CXXC5: variants seen among roughly 807,000 people sequenced by gnomAD.
CXXC5 encodes the protein CXXC-type zinc finger protein 5.
A neutral mutation model predicts 17.6 loss-of-function variants in CXXC5; 2 were observed. That is an observed-to-expected ratio of 0.11 (90% CI 0.05 to 0.36). The LOEUF (loss-of-function observed/expected upper bound fraction) is 0.36. Ranked by LOEUF, CXXC5 falls within the 10% of genes least tolerant of loss-of-function variation. CXXC5 has a pLI of 1.00. For synonymous variants in CXXC5, 171 were observed against 193.0 expected (o/e 0.89, Z 0.94); for missense variants, 343 against 458.3 (o/e 0.75, Z 2.30).
At chr5:139,674,844 A>G (rs1345297133) in intron 1 of CXXC5, among the ~76,000 whole-genome samples, 1 of 152,194 alleles carries the variant, frequency 6.6e-6, no homozygotes, top group Non-Finnish European at 1.5e-5. Context: ...TAAAATAATA[A>G]TAATAATAAA....
rs190463209 is a variant in CXXC5 at position 139,674,405 on chromosome 5, A to G, written c.-160-5959A>G. On this transcript the variant is annotated intron_variant, in intron 1 of 2. Coordinates refer to ENST00000302517, the MANE Select transcript of CXXC5 (RefSeq NM_016463.9). ...CCCACCAAGGTGGGGGGGAGGAGACAAGGGCCGGGATGTCAAGTGCTGCAT... is the reference window on the plus strand; with the variant it reads ...CCCACCAAGGTGGGGGGGAGGAGACGAGGGCCGGGATGTCAAGTGCTGCAT... 5.3e-4 allele frequency among the ~76,000 whole-genome samples: 81 copies of G among 152,292 alleles called. 2 individuals carry two copies. The East Asian group carries it at 0.012, about 23-fold the overall frequency.
At chr5:139,657,016 C>G (rs1755529706) in intron 1 of CXXC5, among the ~76,000 whole-genome samples, 1 of 152,240 alleles carries the variant, frequency 6.6e-6, no homozygotes, top group South Asian at 2.1e-4. Context: ...TGAGCCACCA[C>G]CCCCGGCCAA....
intron 1 of CXXC5, among the ~76,000 whole-genome samples, chr5:139,672,239 T>A (rs1162910618): frequency 6.6e-6 from 1 of 152,204 alleles, no homozygotes; most frequent in Non-Finnish European, 1.5e-5. Context: ...TGCCTCAGCC[T>A]CCCGAGTAGC....
At chr5:139,653,841 T>A (rs1293353637) in intron 1 of CXXC5, among the ~76,000 whole-genome samples, 1 of 152,062 alleles carries the variant, frequency 6.6e-6, no homozygotes, top group African/African-American at 2.4e-5. Flanking sequence ...GGCCTCCCTC[T>A]GGGCTCACAG....
At chr5:139,672,527 C>T (rs1450583759) in intron 1 of CXXC5, among the ~76,000 whole-genome samples, 1 of 152,220 alleles carries the variant, frequency 6.6e-6, no homozygotes, top group Non-Finnish European at 1.5e-5. Flanking sequence ...AGCCCTGCGT[C>T]CTGCTCAAAA....
intron 1 of CXXC5, among the ~76,000 whole-genome samples, chr5:139,677,358 C>G (rs1756906327): frequency 1.3e-5 from 2 of 152,120 alleles, no homozygotes; most frequent in African/African-American, 2.4e-5. Flanking sequence ...GAGTAGAAGA[C>G]TGGGACCTGG....
Position 139,681,014 on chromosome 5 carries a change from A to C in CXXC5, c.491A>C (p.Gln164Pro). The C allele has an allele frequency of 6.2e-7, 1 of 1,606,708 alleles. No individual in the cohort carries two copies. The highest frequency in any genetic ancestry group is 1.1e-5 in the South Asian group (1 of 91,076). Residue 164 changes from glutamine (Q) to proline (P), a missense_variant, in exon 2 of 3, where the codon CAG becomes CCG. This residue lies in a region of CXXC5 where 297 missense variants were observed against 363.4 expected (regional missense o/e 0.82). Transcript: ENST00000302517. ...GCCGAGGGACAGCTGACGCTGCAGC[A>C]GTTTGCGCAGTCCACAGAGATGCTG... is the stretch of plus-strand genomic sequence containing the variant. ...LAAEGQLTLQ[Q>P]FAQSTEMLKR...
chr5:139,662,039 G>A (rs1318072216), intron 1 of CXXC5, among the ~76,000 whole-genome samples: 1 of 152,162 alleles, frequency 6.6e-6, no homozygotes, highest in Non-Finnish European at 1.5e-5. Context: ...GGACCACTAA[G>A]TGGCCAGCTG....
intron 1 of CXXC5, chr5:139,649,731 G>A (rs1001941780): frequency 5.9e-5 from 9 of 152,562 alleles, no homozygotes; most frequent in Admixed American, 5.2e-4. Context: ...GGGAGAATGG[G>A]GGTGTTCCTC....
chr5:139,683,791 G>A lies in CXXC5; in HGVS notation c.*884G>A, dbSNP rs1318035982. On this transcript the variant is annotated 3_prime_UTR_variant, in exon 3 of 3. Coordinates refer to ENST00000302517, the MANE Select transcript of CXXC5 (RefSeq NM_016463.9). ...CTGCGGCCTGGGCCCCCCTGCCCAC[G>A]GCCAGCTTCCTGCTGATGAACATGC... 6.6e-6 allele frequency: 1 copy of A among 152,552 alleles called. No homozygotes were observed. The highest frequency in any genetic ancestry group is 1.5e-5 in the Non-Finnish European group (1 of 68,036). The allele number at this position is 152,552 out of a possible 1,614,324, so 9.4% of individuals were successfully genotyped here. A position where few individuals can be genotyped will look rare whatever the true frequency, so the allele number is the denominator to read the frequency against.
intron 2 of CXXC5, 58 bp from the exon 3 acceptor site, chr5:139,682,805 A>T: frequency 6.6e-7 from 1 of 1,513,840 alleles, no homozygotes; most frequent in Non-Finnish European, 8.9e-7. Flanking sequence ...TCTTTGCTCC[A>T]GGCCTACCCG....
At chr5:139,671,127 C>A (rs574231795) in intron 1 of CXXC5, among the ~76,000 whole-genome samples, 56 of 152,342 alleles carry the variant, frequency 3.7e-4, no homozygotes, top group Non-Finnish European at 6.2e-4. Flanking sequence ...CAAGGACTGC[C>A]CGGCCCCTGC....
chr5:139,660,753 A>G (rs1348717129), intron 1 of CXXC5, among the ~76,000 whole-genome samples: 3 of 142,310 alleles, frequency 2.1e-5, no homozygotes, highest in African/African-American at 7.9e-5. Flanking sequence ...GCCTATATTT[A>G]GTCAGTCCTG....
intron 1 of CXXC5, among the ~76,000 whole-genome samples, chr5:139,654,649 TTGTC>T (rs1159579235): frequency 6.6e-6 from 1 of 152,220 alleles, no homozygotes; most frequent in Admixed American, 6.5e-5. Flanking sequence ...GTGCATCACT[TTGTC>T]TGACTTTCTC....
chr5:139,674,392 G>C (rs78836091), intron 1 of CXXC5, among the ~76,000 whole-genome samples: 2,056 of 152,300 alleles, frequency 0.013, 23 homozygotes, highest in Non-Finnish European at 0.022. Flanking sequence ...CACCAAGGTG[G>C]GGGGGAGGAG....
intron 1 of CXXC5, chr5:139,675,423 TATG>T (rs1228102811): frequency 3.9e-5 from 6 of 152,156 alleles, no homozygotes; most frequent in Non-Finnish European, 8.8e-5. Context: ...CAGCTGGCAT[TATG>T]ATGTCACTGG....
At position 139,671,057 on chromosome 5, in the gene CXXC5, G is replaced by T. The variant is rs751453856; in HGVS notation, c.-160-9307G>T. Among the ~76,000 whole-genome samples the T allele has an allele frequency of 3.6e-4, 55 of 152,258 alleles. 1 individual carries two copies. Among genetic ancestry groups the T allele is most frequent in the Non-Finnish European group, 1.8e-4 (12 of 68,044 alleles). ...CCCCGAAATACTGGGAAGTGAGCTT[G>T]AGGCCTCAGCTTGCTGAGCCCTGTG... On this transcript the variant is annotated intron_variant, in intron 1 of 2. Transcript: ENST00000302517.
rs77258384 is a variant in CXXC5, at chr5:139,662,134, G to C, written c.-161+13289G>C. Reference sequence around the variant, plus strand: ...GAAGAATGAGACCTCTGATCAAATGGGCCCAGGAGTCTTTCTGCCTACCTT... The same window carrying C: ...GAAGAATGAGACCTCTGATCAAATGCGCCCAGGAGTCTTTCTGCCTACCTT... On this transcript the variant is annotated intron_variant, in intron 1 of 2. Transcript: ENST00000302517. Among the ~76,000 whole-genome samples the C allele has an allele frequency of 8.9e-3, 1,359 of 152,264 alleles. 14 individuals carry two copies. Among genetic ancestry groups the C allele is most frequent in the Middle Eastern group, 0.041 (12 of 294 alleles).
At chr5:139,655,846 G>A (rs1408556249) in intron 1 of CXXC5, among the ~76,000 whole-genome samples, 2 of 151,944 alleles carry the variant, frequency 1.3e-5, no homozygotes, top group Non-Finnish European at 2.9e-5. Context: ...TCTGGGCCCT[G>A]GCTGCTGCGC....
Sources: gnomAD v4.1 joint callset for allele counts (sites outside exome capture counted in the v4.1 genomes callset) on GRCh38, gnomAD v4.1.1 for gene constraint, gnomAD v4.1.1 regional missense constraint, MANE v1.5 for transcripts, NCBI Gene and HGNC (gene_info 2026-07-23, HGNC 2026-07-21) for gene names.